The following SLC22A23 variants were observed in gnomAD, a reference collection of about 807,000 sequenced individuals.
SLC22A23 encodes the protein solute carrier family 22 member 23.
Under a neutral mutation model 61.0 loss-of-function variants are expected in SLC22A23, and 26 were observed. That is an observed-to-expected ratio of 0.43 (90% CI 0.31 to 0.59). The LOEUF is 0.59. Ranked by LOEUF, SLC22A23 falls within the 20% of genes least tolerant of loss-of-function variation. SLC22A23 has a pLI of 0.11. For missense variants in SLC22A23, 796 were observed against 934.7 expected (o/e 0.85, Z 1.94); for synonymous variants, 430 against 413.9 (o/e 1.04, Z -0.47).
chr6:3,312,607 C>T (rs1357619434), intron 4 of SLC22A23: 1 of 152,194 alleles, frequency 6.6e-6, no homozygotes, highest in Non-Finnish European at 1.5e-5. Context: ...TCAGGACTGC[C>T]ACTCTTTAGT....
chr6:3,297,897 G>C lies in SLC22A23; in HGVS notation c.1210+194C>G, dbSNP rs1252555416. ...AGCAGATCCAGAGTGTGCTGGACTT[G>C]ATCATGAAAGAAACCAACACCTAGA... On this transcript the variant is annotated intron_variant, in intron 5 of 9. Transcript: ENST00000406686. The surrounding 1 kb of genome is among the most constrained non-coding windows in gnomAD (Gnocchi z 4.3). Among the ~76,000 whole-genome samples the C allele has an allele frequency of 1.3e-5, 2 of 152,196 alleles. No homozygotes were observed. The highest frequency in any genetic ancestry group is 2.9e-5 in the Non-Finnish European group (2 of 68,032).
rs187303508 is a variant in SLC22A23, at chr6:3,293,649, G to A, written c.1211-3783C>T. Among the ~76,000 whole-genome samples, 141 of 152,348 alleles carry A rather than the reference G, an allele frequency of 9.3e-4. 1 individual carries two copies. Among genetic ancestry groups the A allele is most frequent in the African/African-American group, 2.8e-3 (117 of 41,576 alleles). On this transcript the variant is annotated intron_variant, in intron 5 of 9. Transcript: ENST00000406686. ...CTGAGCCCTCTGAGTGAGCCGTGGCGGTCGCCTGTGGAGTGAGGGCCCTGT... is the reference window on the plus strand; with the variant it reads ...CTGAGCCCTCTGAGTGAGCCGTGGCAGTCGCCTGTGGAGTGAGGGCCCTGT...
At chr6:3,289,939 C>T in intron 5 of SLC22A23, 73 bp from the exon 6 acceptor site, 1 of 1,196,898 alleles carries the variant, frequency 8.4e-7, no homozygotes, top group Non-Finnish European at 1.2e-6. Context: ...GCAGTCACAG[C>T]CCTGGTTCCC....
At chr6:3,394,294 A>G (rs1455110242) in intron 3 of SLC22A23, among the ~76,000 whole-genome samples, 1 of 152,150 alleles carries the variant, frequency 6.6e-6, no homozygotes, top group African/African-American at 2.4e-5. Context: ...CTCCCCCAGC[A>G]ACTCCAGGCA....
At position 3,456,901 on chromosome 6, in the gene SLC22A23, A is replaced by G. The variant is rs1772436728; in HGVS notation, c.-342T>C. On this transcript the variant is annotated 5_prime_UTR_variant, in exon 1 of 10. Coordinates refer to ENST00000406686, the MANE Select transcript of SLC22A23 (RefSeq NM_015482.2). The surrounding 1 kb of genome is among the most constrained non-coding windows in gnomAD (Gnocchi z 7.1). The stretch of plus-strand genomic sequence containing the variant: ...CCGCGCCGGACGCGGCAGGAGGAGG[A>G]GCCGGCGCCGCGCCCGGCCCGCGCC... 3 of 146,584 alleles carry G rather than the reference A, an allele frequency of 2.0e-5. No homozygotes were observed. Among genetic ancestry groups the G allele is most frequent in the Admixed American group, 2.0e-4 (3 of 14,862 alleles). 9.1% of individuals were successfully genotyped at this position (146,584 alleles called of 1,614,324 possible).
chr6:3,375,208 A>G (rs1222601235), intron 3 of SLC22A23, among the ~76,000 whole-genome samples: 3 of 152,238 alleles, frequency 2.0e-5, no homozygotes, highest in Admixed American at 6.5e-5. Flanking sequence ...AAGCCTATGA[A>G]AAAAATGAAC....
At position 3,437,745 on chromosome 6, in the gene SLC22A23, A is replaced by ATT. The variant is rs66470069; in HGVS notation, c.654+18159_654+18160dup. Among the ~76,000 whole-genome samples the ATT allele has an allele frequency of 8.7e-4, 100 of 114,338 alleles. 1 individual carries two copies. The highest frequency in any genetic ancestry group is 1.7e-3 in the Non-Finnish European group (93 of 54,768). The allele number at this position is 114,338 out of a possible 152,430, so 75.0% of individuals were successfully genotyped here. The stretch of plus-strand genomic sequence containing the variant: ...AAAAACCCACTCTGGAACTTACTAG[A>ATT]TTTTTTTTTTTTTTTTTTTGAGACA... On this transcript the variant is annotated intron_variant, in intron 1 of 9. Transcript: ENST00000406686.
intron 4 of SLC22A23, among the ~76,000 whole-genome samples, chr6:3,305,217 G>A (rs1055866628): frequency 6.6e-6 from 1 of 152,156 alleles, no homozygotes; most frequent in Non-Finnish European, 1.5e-5. Context: ...GAGAGTTCAA[G>A]TACATTGCCC....
chr6:3,311,112 C>T (rs1762346676), intron 4 of SLC22A23, among the ~76,000 whole-genome samples: 1 of 152,126 alleles, frequency 6.6e-6, no homozygotes, highest in African/African-American at 2.4e-5. Context: ...TGTCTGGGCC[C>T]CAAGGAGCTC....
In SLC22A23 at chr6:3,275,872, A is replaced by G. The variant is rs190537242; in HGVS notation, c.1704-2460T>C. ...GTTGGGATTACAGGCGTGAGCCACC[A>G]CGCCACTCTTATAACTCAAAAAGAA... On this transcript the variant is annotated intron_variant, in intron 9 of 9. Coordinates refer to ENST00000406686, the MANE Select transcript of SLC22A23 (RefSeq NM_015482.2). Among the ~76,000 whole-genome samples the G allele has an allele frequency of 1.0e-2, 1,521 of 152,310 alleles. 19 individuals are homozygous for G. Among genetic ancestry groups the G allele is most frequent in the African/African-American group, 0.034 (1,398 of 41,554 alleles).
In SLC22A23 at chr6:3,360,087, G is replaced by T. The variant is rs1742913701; in HGVS notation, c.914-36085C>A. ...AATTCATAGAAACAGAAAGTAGAAG[G>T]GTGGCTGCTCGGGACTAAGGGATGG... On this transcript the variant is annotated intron_variant, in intron 3 of 9. Coordinates refer to ENST00000406686, the MANE Select transcript of SLC22A23 (RefSeq NM_015482.2). The surrounding 1 kb of genome is among the most constrained non-coding windows in gnomAD (Gnocchi z 4.6). Among the ~76,000 whole-genome samples, 1 of 152,236 alleles carries T rather than the reference G, an allele frequency of 6.6e-6. No homozygotes were observed. Among genetic ancestry groups the T allele is most frequent in the Non-Finnish European group, 1.5e-5 (1 of 68,022 alleles).
At chr6:3,275,513 T>TTA (rs1358746127) in intron 9 of SLC22A23, among the ~76,000 whole-genome samples, 3 of 152,124 alleles carry the variant, frequency 2.0e-5, no homozygotes, top group Non-Finnish European at 4.4e-5. Context: ...AGATACATGT[T>TTA]TAAGAAAAAA....
chr6:3,449,977 A>G (rs888830831), intron 1 of SLC22A23, among the ~76,000 whole-genome samples: 4 of 152,244 alleles, frequency 2.6e-5, no homozygotes, highest in Non-Finnish European at 4.4e-5. Flanking sequence ...AAGAATGAGT[A>G]TCTCTATGTA....
intron 3 of SLC22A23, among the ~76,000 whole-genome samples, chr6:3,326,782 T>C (rs1763305889): frequency 6.6e-6 from 1 of 152,268 alleles, no homozygotes; most frequent in Non-Finnish European, 1.5e-5. Context: ...ACTGCTTGAA[T>C]CTAACTATAT....
chr6:3,297,047 T>C lies in SLC22A23; in HGVS notation c.1210+1044A>G, dbSNP rs1309498437. Among the ~76,000 whole-genome samples the C allele has an allele frequency of 1.3e-5, 2 of 152,170 alleles. No individual in the cohort carries two copies. Among genetic ancestry groups the C allele is most frequent in the Non-Finnish European group, 2.9e-5 (2 of 68,026 alleles). ...TGTAGTCCCTCCCTGCCACCCTCTA[T>C]CCCACAGCCCTGCTGTTTCATCCCT... is the stretch of plus-strand genomic sequence containing the variant. On this transcript the variant is annotated intron_variant, in intron 5 of 9. Transcript: ENST00000406686. This position sits in a 1 kb window ranked among gnomAD's most constrained non-coding sequence, Gnocchi z 4.3.
intron 3 of SLC22A23, among the ~76,000 whole-genome samples, chr6:3,400,721 C>T (rs531389623): frequency 8.5e-5 from 13 of 152,326 alleles, no homozygotes; most frequent in Non-Finnish European, 1.2e-4. Flanking sequence ...TGTGATCACA[C>T]GCACGTGTGT....
At chr6:3,439,059 G>C (rs542952385) in intron 1 of SLC22A23, among the ~76,000 whole-genome samples, 7 of 147,776 alleles carry the variant, frequency 4.7e-5, no homozygotes, top group Non-Finnish European at 8.8e-5. Context: ...CAAACTTGCC[G>C]TATTTGGGGC....
At chr6:3,313,411 A>C (rs1352457505) in intron 4 of SLC22A23, 1 of 152,166 alleles carries the variant, frequency 6.6e-6, no homozygotes, top group Non-Finnish European at 1.5e-5. Flanking sequence ...ATAACTTGTA[A>C]AAATAATTAT....
intron 1 of SLC22A23, among the ~76,000 whole-genome samples, chr6:3,436,477 T>C (rs556127376): frequency 6.6e-6 from 1 of 152,334 alleles, no homozygotes; most frequent in East Asian, 1.9e-4. Context: ...CAGGGTTTTC[T>C]GCTACTTGCA....
Sources: allele counts gnomAD v4.1 joint callset (sites outside exome capture counted in the v4.1 genomes callset), GRCh38; gene constraint gnomAD v4.1.1; non-coding constraint Gnocchi (gnomAD v3.1); transcripts MANE v1.5; gene names NCBI Gene and HGNC (gene_info 2026-07-23, HGNC 2026-07-21).